STX8: variants seen among roughly 807,000 people sequenced by gnomAD.
STX8 encodes syntaxin-8.
In STX8, 23 loss-of-function variants were observed where a neutral mutation model predicts 37.5. The observed-to-expected ratio is 0.61, with a 90% CI of 0.44 to 0.87. The LOEUF is 0.87. STX8 is among the 40% of genes least tolerant of loss of function. The pLI, the probability that STX8 is intolerant of heterozygous loss-of-function variation, is 0.00. For synonymous variants in STX8, 115 were observed against 99.1 expected (o/e 1.16, Z -0.95); for missense variants, 313 against 284.7 (o/e 1.10, Z -0.71).
chr17:9,310,598 G>A (rs943046257), intron 7 of STX8, among the ~76,000 whole-genome samples: 1 of 152,180 alleles, frequency 6.6e-6, no homozygotes, highest in Admixed American at 6.5e-5. Context: ...CAAAGAGTGT[G>A]CACCTGTTTT....
intron 7 of STX8, among the ~76,000 whole-genome samples, chr17:9,309,817 A>C (rs545132488): frequency 1.3e-5 from 2 of 152,338 alleles, no homozygotes; most frequent in South Asian, 4.1e-4. Flanking sequence ...AAATAAAACC[A>C]ATAACATATA....
At chr17:9,337,327 GTAGTATACTCCTC>G (rs1910170705) in intron 7 of STX8, among the ~76,000 whole-genome samples, 1 of 151,984 alleles carries the variant, frequency 6.6e-6, no homozygotes, top group Non-Finnish European at 1.5e-5. Context: ...GATGAGCCAA[GTAGTATACTCCTC>G]AAAATCCTAG....
At chr17:9,422,263 C>T (rs1358957886) in intron 6 of STX8, among the ~76,000 whole-genome samples, 3 of 152,238 alleles carry the variant, frequency 2.0e-5, no homozygotes, top group East Asian at 1.9e-4. Context: ...TGCCACCACA[C>T]CTGACTAATT....
Position 9,569,331 on chromosome 17 carries a change from T to C in STX8, c.18-861A>G, listed in dbSNP as rs550672284. On this transcript the variant is annotated intron_variant, in intron 1 of 7. Transcript: ENST00000306357. ...TGCTAAGAAGAAAAACGCAGCAGGA[T>C]AAAGGGACAGAGAGTGATAAGGAGC... 3.3e-5 allele frequency among the ~76,000 whole-genome samples: 5 copies of C among 152,160 alleles called. No individual in the cohort carries two copies. In the South Asian group the frequency reaches 1.0e-3, roughly 32 times the overall value.
chr17:9,524,058 G>C (rs552432810), intron 4 of STX8, among the ~76,000 whole-genome samples: 9 of 152,282 alleles, frequency 5.9e-5, no homozygotes, highest in African/African-American at 1.9e-4. Flanking sequence ...TTCAATTCTG[G>C]CATCTTTTCC....
At chr17:9,549,239 A>G (rs1906668857) in intron 3 of STX8, among the ~76,000 whole-genome samples, 2 of 152,226 alleles carry the variant, frequency 1.3e-5, no homozygotes, top group Non-Finnish European at 2.9e-5. Context: ...CAATAAAGGT[A>G]CATTTTAAAA....
chr17:9,323,319 T>C (rs1010992699), intron 7 of STX8, among the ~76,000 whole-genome samples: 7 of 152,136 alleles, frequency 4.6e-5, no homozygotes, highest in Admixed American at 3.3e-4. Flanking sequence ...AAAAAATCAA[T>C]TAAAGACTAC....
At position 9,294,016 on chromosome 17, in the gene STX8, C is replaced by T. The variant is rs184121979; in HGVS notation, c.644-43371G>A. ...TCCTGACCTAGTGATCTGCCCGTCT[C>T]GGCCTCCCAAAGTGCTGGGATTACA... On this transcript the variant is annotated intron_variant, in intron 7 of 7. Coordinates refer to ENST00000306357, the MANE Select transcript of STX8 (RefSeq NM_004853.3). 7.9e-5 allele frequency among the ~76,000 whole-genome samples: 12 copies of T among 152,214 alleles called. No individual in the cohort carries two copies. The East Asian group carries it at 9.7e-4, about 12-fold the overall frequency.
intron 4 of STX8, among the ~76,000 whole-genome samples, chr17:9,508,750 C>T (rs996324471): frequency 6.6e-6 from 1 of 152,146 alleles, no homozygotes; most frequent in African/African-American, 2.4e-5. Context: ...AACAAATATT[C>T]ACACTGTAGG....
chr17:9,424,766 A>C (rs949713514), intron 6 of STX8, among the ~76,000 whole-genome samples: 5 of 152,212 alleles, frequency 3.3e-5, no homozygotes, highest in Non-Finnish European at 7.3e-5. Context: ...CTGAGGAATC[A>C]ATCCAAAATC....
intron 6 of STX8, among the ~76,000 whole-genome samples, chr17:9,390,522 CA>C (rs1161307121): frequency 1.3e-3 from 145 of 115,330 alleles, no homozygotes; most frequent in Middle Eastern, 7.8e-3. Context: ...AACTCCGTCT[CA>C]AAAAAAAAAA....
chr17:9,528,658 C>T (rs148879348), intron 4 of STX8, among the ~76,000 whole-genome samples: 308 of 152,142 alleles, frequency 2.0e-3, no homozygotes, highest in African/African-American at 6.9e-3. Context: ...CTATTTTAAA[C>T]CCAATTACAG....
intron 7 of STX8, among the ~76,000 whole-genome samples, chr17:9,329,050 CAAAAA>C (rs998679728): frequency 3.6e-4 from 10 of 28,008 alleles, no homozygotes; most frequent in East Asian, 1.4e-3. Flanking sequence ...GATTCCATCT[CAAAAA>C]AAAAAAAAAA....
At chr17:9,251,642 G>A (rs959568916) in intron 7 of STX8, among the ~76,000 whole-genome samples, 7 of 152,354 alleles carry the variant, frequency 4.6e-5, no homozygotes, top group Non-Finnish European at 1.0e-4. Flanking sequence ...CAGGACTGCT[G>A]AACGCCACGG....
chr17:9,508,042 C>G (rs1904901394), intron 4 of STX8, among the ~76,000 whole-genome samples: 1 of 152,052 alleles, frequency 6.6e-6, no homozygotes, highest in Non-Finnish European at 1.5e-5. Flanking sequence ...ATGACACCTC[C>G]AAAGGAATAC....
intron 6 of STX8, among the ~76,000 whole-genome samples, chr17:9,400,884 C>T (rs553550500): frequency 6.6e-6 from 1 of 152,258 alleles, no homozygotes; most frequent in East Asian, 1.9e-4. Context: ...CATTTGCTAA[C>T]GTTTCCCCCC....
chr17:9,359,377 G>T (rs1260598667), intron 7 of STX8, among the ~76,000 whole-genome samples: 1 of 152,040 alleles, frequency 6.6e-6, no homozygotes, highest in Non-Finnish European at 1.5e-5. Context: ...AAACACACTG[G>T]CCCTGGGAAG....
At chr17:9,568,341 C>T (rs755821171) in intron 2 of STX8, 30 bp downstream of exon 2, 16 of 1,564,936 alleles carry the variant, frequency 1.0e-5, no homozygotes, top group Non-Finnish European at 1.4e-5. Flanking sequence ...TCAAACAAAT[C>T]ATTGGGTACT....
chr17:9,448,399 C>A (rs569582239), intron 6 of STX8, among the ~76,000 whole-genome samples: 1 of 152,198 alleles, frequency 6.6e-6, no homozygotes, highest in Admixed American at 6.5e-5. Flanking sequence ...GCTCCACATA[C>A]TGCAAACAAG....
Sources: allele counts gnomAD v4.1 joint callset (sites outside exome capture counted in the v4.1 genomes callset), GRCh38; gene constraint gnomAD v4.1.1; transcripts MANE v1.5; gene names NCBI Gene and HGNC (gene_info 2026-07-23, HGNC 2026-07-21).